Variants in DNHD1 observed in about 807,000 individuals in gnomAD.
The protein encoded by DNHD1 is dynein heavy chain domain-containing protein 1.
DNHD1 carries 383 observed loss-of-function variants against 458.1 expected under a neutral mutation model. The observed-to-expected ratio is 0.84, with a 90% confidence interval of 0.77 to 0.91. The LOEUF (loss-of-function observed/expected upper bound fraction) is 0.91. DNHD1 is among the 40% of genes least tolerant of loss of function. The pLI, the probability that DNHD1 is intolerant of heterozygous loss-of-function variation, is 0.00. For missense variants in DNHD1, 5,336 were observed against 5,866.1 expected, an observed-to-expected ratio of 0.91 and a Z score of 2.95; for synonymous variants, 2,203 against 2,376.9, an observed-to-expected ratio of 0.93 and a Z score of 2.13.
Position 6,557,410 on chromosome 11 carries a change from G to A in DNHD1, c.8115G>A (p.Val2705=), listed in dbSNP as rs1329093540. The A allele has an allele frequency of 6.4e-7, 1 of 1,550,978 alleles. No homozygotes were observed. Among genetic ancestry groups the A allele is most frequent in the Non-Finnish European group, 8.7e-7 (1 of 1,147,086 alleles). The change falls in exon 25 of 43, where the codon GTG becomes GTA. Residue 2705 remains valine (V), a synonymous_variant. Transcript: ENST00000254579. ...ESEEEEEEER[V]PEVESEGELA... ...AGGAGGAGGAGGAGGAGGAGAGGGT[G>A]CCCGAAGTAGAATCTGAAGGGGAGT...
At chr11:6,542,931 C>A (rs1189670571) in intron 18 of DNHD1, among the ~76,000 whole-genome samples, 1 of 152,148 alleles carries the variant, frequency 6.6e-6, no homozygotes, top group Non-Finnish European at 1.5e-5. Flanking sequence ...AATCTTCCCC[C>A]AATTAATTGA....
Position 6,538,813 on chromosome 11 carries a change from A to G in DNHD1, c.3325+3A>G. ...CAACTGCCAGTGTCTCCTGCGTGGT[A>G]TGTTTGGTTAATGTCAGAGGAGGGG... On this transcript the variant is annotated splice_donor_region_variant and intron_variant, in intron 16 of 42. Transcript: ENST00000254579. The G allele has an allele frequency of 6.7e-7, 1 of 1,495,756 alleles. No homozygotes were observed. Among genetic ancestry groups the G allele is most frequent in the Non-Finnish European group, 9.0e-7 (1 of 1,114,710 alleles). 92.7% of individuals were successfully genotyped at this position (1,495,756 alleles called of 1,614,324 possible).
intron 21 of DNHD1, 54 bp downstream of exon 21, chr11:6,547,720 G>C: frequency 6.7e-7 from 1 of 1,486,944 alleles, no homozygotes; most frequent in Non-Finnish European, 9.0e-7. Flanking sequence ...GGGTAGCTGG[G>C]GTATATAGCT....
chr11:6,533,255 T>A, intron 13 of DNHD1, 71 bp downstream of exon 13: 4 of 1,442,920 alleles, frequency 2.8e-6, no homozygotes, highest in Non-Finnish European at 3.8e-6. Context: ...GCACACTCTC[T>A]TCAGGTCTCT....
At chr11:6,520,162 A>G in intron 9 of DNHD1, 60 bp downstream of exon 9, 6 of 1,612,298 alleles carry the variant, frequency 3.7e-6, no homozygotes, top group Non-Finnish European at 5.1e-6. Context: ...CCTCTGAGTA[A>G]TCAGAAGCTC....
At chr11:6,533,592 C>T in intron 13 of DNHD1, 89 bp from the exon 14 acceptor site, 1 of 1,461,522 alleles carries the variant, frequency 6.8e-7, no homozygotes, top group Non-Finnish European at 9.1e-7. Flanking sequence ...GGAGACTTCA[C>T]TCCAAAAGGT....
At chr11:6,536,097 T>C (rs961729469) in intron 14 of DNHD1, among the ~76,000 whole-genome samples, 3 of 152,038 alleles carry the variant, frequency 2.0e-5, no homozygotes, top group African/African-American at 7.2e-5. Context: ...GAGTATCATT[T>C]TTAAAAACCA....
chr11:6,547,321 G>C lies in DNHD1; in HGVS notation c.6382G>C (p.Val2128Leu). 1 of 1,551,792 alleles carries C rather than the reference G, an allele frequency of 6.4e-7. No homozygotes were observed. The highest frequency in any genetic ancestry group is 1.2e-5 in the South Asian group (1 of 84,058). ...RPPGTFLLME[V>L]ADTTGISPTV... ...CCCAGGCACCTTTCTCTTGATGGAGGTGGCTGACACAACAGGCATATCCCC... is the reference window on the plus strand; with the variant it reads ...CCCAGGCACCTTTCTCTTGATGGAGCTGGCTGACACAACAGGCATATCCCC... Residue 2128 changes from valine to leucine, a missense_variant, in exon 21 of 43, where the codon GTG becomes CTG. This residue lies in a region of DNHD1 where 3,932 missense variants were observed against 4,365.6 expected (regional missense o/e 0.90). Coordinates refer to ENST00000254579, the MANE Select transcript of DNHD1 (RefSeq NM_144666.3).
chr11:6,558,610 G>A lies in DNHD1; in HGVS notation c.9128G>A (p.Arg3043His), dbSNP rs1013541353. Reference protein sequence around the residue: ...LLQLATASIDRYEPWDQAALA... With the variant: ...LLQLATASIDHYEPWDQAALA... ...CAACTGGCCACTGCCAGCATTGACC[G>A]CTATGAACCCTGGGACCAAGCTGCC... is the stretch of plus-strand genomic sequence containing the variant. The change falls in exon 26 of 43, where the codon CGC becomes CAC. Residue 3043 changes from arginine (R) to histidine (H), a missense_variant. Arg to His is a conservative substitution (Grantham distance 29, BLOSUM62 0). This residue lies in a region of DNHD1 where 3,932 missense variants were observed against 4,365.6 expected (regional missense o/e 0.90). Transcript: ENST00000254579. 35 of 1,551,572 alleles carry A rather than the reference G, an allele frequency of 2.3e-5. No individual in the cohort carries two copies. The highest frequency in any genetic ancestry group is 2.6e-5 in the Non-Finnish European group (30 of 1,147,002).
chr11:6,520,183 T>G, intron 9 of DNHD1, 55 bp from the exon 10 acceptor site: 12 of 1,602,336 alleles, frequency 7.5e-6, no homozygotes, highest in Non-Finnish European at 1.0e-5. Context: ...ACAACCTGGT[T>G]TGAATCCCTC....
chr11:6,507,535 T>C (rs554415443), intron 4 of DNHD1, among the ~76,000 whole-genome samples: 1 of 152,280 alleles, frequency 6.6e-6, no homozygotes, highest in African/African-American at 2.4e-5. Flanking sequence ...ATTTGGAGTA[T>C]ATTTTATACT....
Position 6,498,840 on chromosome 11 carries a change from G to A in DNHD1, c.625G>A (p.Ala209Thr). ...IVGAQVALEE[A>T]VWLDGLSLLP... is the part of the protein sequence containing the mutation. ...TGGTGCTCAGGTGGCCCTAGAAGAGGCTGTGTGGCTGGATGGACTTAGTCT... is the reference window on the plus strand; with the variant it reads ...TGGTGCTCAGGTGGCCCTAGAAGAGACTGTGTGGCTGGATGGACTTAGTCT... The change falls in exon 3 of 43, where the codon GCT becomes ACT. Residue 209 changes from alanine to threonine, a missense_variant. Around this residue, in one of 4 missense-constraint regions of DNHD1, gnomAD observed 3,932 missense variants for 4,365.6 expected, o/e 0.90. Coordinates refer to ENST00000254579, the MANE Select transcript of DNHD1 (RefSeq NM_144666.3). 1 of 1,614,252 alleles carries A rather than the reference G, an allele frequency of 6.2e-7. No homozygotes were observed. Among genetic ancestry groups the A allele is most frequent in the Non-Finnish European group, 8.5e-7 (1 of 1,180,056 alleles).
intron 26 of DNHD1, 70 bp downstream of exon 26, chr11:6,558,763 GTC>G (rs373677243): frequency 3.2e-5 from 48 of 1,515,858 alleles, no homozygotes; most frequent in East Asian, 4.9e-5. Flanking sequence ...ACCTAGGTCA[GTC>G]TCTCTCTCTC....
intron 10 of DNHD1, among the ~76,000 whole-genome samples, chr11:6,528,163 T>C (rs746701902): frequency 6.6e-6 from 1 of 152,204 alleles, no homozygotes; most frequent in East Asian, 1.9e-4. Flanking sequence ...GACAGTGATA[T>C]CCCATTTTGC....
chr11:6,564,930 C>T (rs1853665511), intron 32 of DNHD1, 126 bp downstream of exon 32: 2 of 817,480 alleles, frequency 2.4e-6, no homozygotes, highest in Non-Finnish European at 3.8e-6. Flanking sequence ...CAGATTTCAC[C>T]AGCCTATACT....
At position 6,570,857 on chromosome 11, in the gene DNHD1, AG is replaced by A. The variant is rs1430016734; in HGVS notation, c.13347del (p.Arg4449SerfsTer9). The A allele has an allele frequency of 6.2e-7, 1 of 1,614,024 alleles. No homozygotes were observed. Among genetic ancestry groups the A allele is most frequent in the East Asian group, 2.2e-5 (1 of 44,890 alleles). ...LRQRLVQVNRRLESLQDLLTH... is the reference protein window; with the variant it reads ...LRQRLVQVNRXLESLQDLLTH... ...GCAACGCCTAGTGCAAGTCAACCGG[AG>A]GCTGGAGTCACTGCAGGATCTGCTG... On this transcript the variant is annotated frameshift_variant, in exon 42 of 43. Transcript: ENST00000254579. LOFTEE classifies it high-confidence loss of function.
At chr11:6,517,829 A>G (rs528299572) in intron 7 of DNHD1, among the ~76,000 whole-genome samples, 1 of 152,112 alleles carries the variant, frequency 6.6e-6, no homozygotes, top group East Asian at 1.9e-4. Context: ...AGGCCATAGC[A>G]CTACTTAAAA....
At position 6,546,624 on chromosome 11, in the gene DNHD1, G is replaced by A. The variant is rs975457910; in HGVS notation, c.5685G>A (p.Pro1895=). Residue 1895 remains proline (P), a synonymous_variant, in exon 21 of 43, where the codon CCG becomes CCA. Transcript: ENST00000254579. ...IRTLNVTKEE[P]KCQKPRSLAA... Reference sequence around the variant, plus strand: ...CACTAAATGTGACCAAGGAGGAACCGAAGTGCCAGAAGCCTCGCAGCCTAG... The same window carrying A: ...CACTAAATGTGACCAAGGAGGAACCAAAGTGCCAGAAGCCTCGCAGCCTAG... 12 of 1,551,380 alleles carry A rather than the reference G, an allele frequency of 7.7e-6. No homozygotes were observed. The African/African-American group carries it at 9.6e-5, about 12-fold the overall frequency.
At chr11:6,507,314 AG>A (rs947544480) in intron 4 of DNHD1, among the ~76,000 whole-genome samples, 4 of 152,192 alleles carry the variant, frequency 2.6e-5, no homozygotes, top group Non-Finnish European at 5.9e-5. Context: ...TTGTAGAATG[AG>A]TGAATATCCT....
Sources: allele counts gnomAD v4.1 joint callset (sites outside exome capture counted in the v4.1 genomes callset), GRCh38; gene constraint gnomAD v4.1.1; regional missense constraint gnomAD v4.1.1; transcripts MANE v1.5; gene names NCBI Gene and HGNC (gene_info 2026-07-23, HGNC 2026-07-21).